Variants in COL11A2 observed in about 807,000 individuals in gnomAD.
COL11A2 encodes collagen alpha-2(XI) chain.
In COL11A2, 116 loss-of-function variants were observed where a neutral mutation model predicts 273.4. The observed-to-expected ratio is 0.42, with a 90% CI of 0.36 to 0.49. COL11A2 has a LOEUF of 0.49. Ranked by LOEUF, COL11A2 falls within the 20% of genes least tolerant of loss-of-function variation. The probability of loss-of-function intolerance (pLI) is 0.00; values close to 1 mark genes in which losing one functional copy is unlikely to be tolerated. For missense variants in COL11A2, 1,866 were observed against 2,309.0 expected (o/e 0.81, Z 3.93); for synonymous variants, 782 against 864.2 (o/e 0.90, Z 1.67).
At position 33,173,593 on chromosome 6, in the gene COL11A2, C is replaced by T; in HGVS notation, c.2629-38G>A. On this transcript the variant is annotated intron_variant, in intron 35 of 65. Coordinates refer to ENST00000341947, the MANE Select transcript of COL11A2 (RefSeq NM_080680.3). The surrounding 1 kb of genome is among the most constrained non-coding windows in gnomAD (Gnocchi z 6.3). Reference sequence around the variant, plus strand: ...GTGGGGGGAGTCAGGAGAATGGGGGCAGGGGCTGAGTGGGGGAACTCAGCT... The same window carrying T: ...GTGGGGGGAGTCAGGAGAATGGGGGTAGGGGCTGAGTGGGGGAACTCAGCT... 1.6e-6 allele frequency: 2 copies of T among 1,259,542 alleles called. No individual in the cohort carries two copies. Among genetic ancestry groups the T allele is most frequent in the Admixed American group, 2.4e-5 (1 of 41,776 alleles). 78.0% of individuals were successfully genotyped at this position (1,259,542 alleles called of 1,614,324 possible). A position where few individuals can be genotyped will look rare whatever the true frequency, so the allele number is the denominator to read the frequency against.
chr6:33,189,170 A>C lies in COL11A2; in HGVS notation c.251T>G (p.Phe84Cys). Residue 84 changes from phenylalanine (F) to cysteine (C), a missense_variant, in exon 3 of 66, where the codon TTC becomes TGC. Physicochemically the swap from Phe to Cys is radical, Grantham distance 205. Coordinates refer to ENST00000341947, the MANE Select transcript of COL11A2 (RefSeq NM_080680.3). The surrounding 1 kb of genome is among the most constrained non-coding windows in gnomAD (Gnocchi z 5.6). The stretch of plus-strand genomic sequence containing the variant: ...GGTCCGGACAACAGTCAGCAGAGAG[A>C]AATCTTTGGGAAATCCTCCTAGTAA... Reference protein sequence around the residue: ...QLFPGGFPKDFSLLTVVRTRP... With the variant: ...QLFPGGFPKDCSLLTVVRTRP... 1.9e-6 allele frequency: 3 copies of C among 1,613,858 alleles called. No homozygotes were observed. Among genetic ancestry groups the C allele is most frequent in the Non-Finnish European group, 2.5e-6 (3 of 1,179,870 alleles).
At chr6:33,168,625 C>T (rs1202934459) in intron 53 of COL11A2, 53 bp from the exon 54 acceptor site, 6 of 1,607,144 alleles carry the variant, frequency 3.7e-6, no homozygotes, top group Non-Finnish European at 5.1e-6. Context: ...GCCAAGGGAC[C>T]CCTCAGGAGT....
At chr6:33,168,449 C>T in intron 54 of COL11A2, 70 bp downstream of exon 54, 2 of 1,545,854 alleles carry the variant, frequency 1.3e-6, no homozygotes, top group South Asian at 1.1e-5. Flanking sequence ...ATCCCACCTG[C>T]CATTGCCCAG....
intron 10 of COL11A2, 65 bp downstream of exon 10, chr6:33,180,899 C>G: frequency 6.2e-7 from 1 of 1,601,604 alleles, no homozygotes; most frequent in Admixed American, 1.7e-5. Context: ...GTGGGGAAGG[C>G]TCAGATGAGC....
chr6:33,190,961 C>T lies in COL11A2; in HGVS notation c.82+1198G>A, dbSNP rs1283449714. ...TCCAGCCTCATCTGCCCCACAGGCTCTCCACTGGTAGCCCCATTACCCTCC... is the reference window on the plus strand; with the variant it reads ...TCCAGCCTCATCTGCCCCACAGGCTTTCCACTGGTAGCCCCATTACCCTCC... On this transcript the variant is annotated intron_variant, in intron 1 of 65. Transcript: ENST00000341947. This position sits in a 1 kb window ranked among gnomAD's most constrained non-coding sequence, Gnocchi z 4.5. Among the ~76,000 whole-genome samples, 1 of 152,150 alleles carries T rather than the reference C, an allele frequency of 6.6e-6. No homozygotes were observed. The highest frequency in any genetic ancestry group is 2.4e-5 in the African/African-American group (1 of 41,400).
intron 41 of COL11A2, 64 bp from the exon 42 acceptor site, chr6:33,171,884 C>T (rs538440864): frequency 1.6e-5 from 25 of 1,589,114 alleles, no homozygotes; most frequent in African/African-American, 9.4e-5. Context: ...CAGAGAACCT[C>T]AGACCACAAT....
Position 33,165,885 on chromosome 6 carries a change from G to C in COL11A2, c.4482+46C>G, listed in dbSNP as rs1377483636. 1 of 1,613,624 alleles carries C rather than the reference G, an allele frequency of 6.2e-7. No homozygotes were observed. Among genetic ancestry groups the C allele is most frequent in the Non-Finnish European group, 8.5e-7 (1 of 1,179,974 alleles). On this transcript the variant is annotated intron_variant, in intron 62 of 65. Transcript: ENST00000341947. The surrounding 1 kb of genome is among the most constrained non-coding windows in gnomAD (Gnocchi z 7.7). ...GTGAGGGTGAAGTGTGGCAGCAGTG[G>C]AGCAGAGGGGTACGGCCCTGGGAGC... is the stretch of plus-strand genomic sequence containing the variant.
chr6:33,184,041 G>T, intron 8 of COL11A2, 104 bp downstream of exon 8: 3 of 1,008,968 alleles, frequency 3.0e-6, no homozygotes, highest in Non-Finnish European at 2.9e-6. Flanking sequence ...AGTCACAGAT[G>T]GGAAATAGCT....
chr6:33,192,595 G>C (rs1029069128), upstream of COL11A2: 11 of 421,390 alleles, frequency 2.6e-5, no homozygotes, highest in Non-Finnish European at 4.3e-5. Flanking sequence ...GGGGAGGGAG[G>C]CGGGAACCCT....
chr6:33,182,015 C>T (rs1771799372), intron 8 of COL11A2, among the ~76,000 whole-genome samples: 1 of 152,160 alleles, frequency 6.6e-6, no homozygotes, highest in Admixed American at 6.5e-5. Flanking sequence ...TGGCTTACGC[C>T]CATAATCCCA....
chr6:33,176,430 T>C lies in COL11A2; in HGVS notation c.2169+3A>G. 6.2e-7 allele frequency: 1 copy of C among 1,612,374 alleles called. No individual in the cohort carries two copies. The highest frequency in any genetic ancestry group is 8.5e-7 in the Non-Finnish European group (1 of 1,179,716). On this transcript the variant is annotated splice_donor_region_variant and intron_variant, in intron 27 of 65. Transcript: ENST00000341947. The surrounding 1 kb of genome is among the most constrained non-coding windows in gnomAD (Gnocchi z 4.9). ...TTTGTCTCCCAGCCTGGTGGTCAGT[T>C]ACCTTGACCCCTCGAGGTCCTGGGT...
rs774218600 is a variant in COL11A2 at position 33,167,576 on chromosome 6, G to A, written c.4015-43C>T. The A allele has an allele frequency of 6.2e-7, 1 of 1,605,336 alleles. No homozygotes were observed. The highest frequency in any genetic ancestry group is 1.3e-5 in the African/African-American group (1 of 74,808). Reference sequence around the variant, plus strand: ...AATGTGTCCTGAATGGCAGAGGAGTGGGGTGTGGGCAGGGGGCAGAGGGTC... The same window carrying A: ...AATGTGTCCTGAATGGCAGAGGAGTAGGGTGTGGGCAGGGGGCAGAGGGTC... On this transcript the variant is annotated intron_variant, in intron 55 of 65. Coordinates refer to ENST00000341947, the MANE Select transcript of COL11A2 (RefSeq NM_080680.3). The surrounding 1 kb of genome is among the most constrained non-coding windows in gnomAD (Gnocchi z 6.1).
chr6:33,173,917 C>T lies in COL11A2; in HGVS notation c.2539G>A (p.Gly847Ser). Residue 847 changes from glycine (G) to serine (S), a missense_variant, in exon 34 of 66, where the codon GGT (glycine) becomes AGT (serine). Gly to Ser is a moderately conservative substitution (Grantham distance 56, BLOSUM62 0). Transcript: ENST00000341947. The surrounding 1 kb of genome is among the most constrained non-coding windows in gnomAD (Gnocchi z 6.3). ...RGERGPTGPR[G>S]QRGPRGATGK... The stretch of plus-strand genomic sequence containing the variant: ...GTGGCACCTCGGGGTCCCCGCTGAC[C>T]CCGTGGACCCTACAGAGGGAAGAGG... 2 of 1,614,074 alleles carry T rather than the reference C, an allele frequency of 1.2e-6. No individual in the cohort carries two copies. Among genetic ancestry groups the T allele is most frequent in the African/African-American group, 1.3e-5 (1 of 74,980 alleles).
Position 33,190,363 on chromosome 6 carries a change from CA to C in COL11A2, c.83-895del, listed in dbSNP as rs1320419405. 2.0e-5 allele frequency among the ~76,000 whole-genome samples: 3 copies of C among 152,138 alleles called. No homozygotes were observed. Among genetic ancestry groups the C allele is most frequent in the Non-Finnish European group, 1.5e-5 (1 of 68,016 alleles). Reference sequence around the variant, plus strand: ...CCTGTCTCACCACCCCCACCAACCCCACCACCTGGGACCCAAAGATTCAAGA... The same window carrying C: ...CCTGTCTCACCACCCCCACCAACCCCCCACCTGGGACCCAAAGATTCAAGA... On this transcript the variant is annotated intron_variant, in intron 1 of 65. Coordinates refer to ENST00000341947, the MANE Select transcript of COL11A2 (RefSeq NM_080680.3). The surrounding 1 kb of genome is among the most constrained non-coding windows in gnomAD (Gnocchi z 4.5).
At chr6:33,180,757 G>A (rs1294642870) in intron 10 of COL11A2, 27 bp from the exon 11 acceptor site, 22 of 1,608,442 alleles carry the variant, frequency 1.4e-5, no homozygotes, top group Non-Finnish European at 1.9e-5. Context: ...TAGGGGTCAG[G>A]TGTGGGCATT....
Position 33,177,445 on chromosome 6 carries a change from T to A in COL11A2, c.1938A>T (p.Gly646=). ...KGSLGPQGEP[G]PPGQQGTPGT... ...CAGGGGTGCCCTGTTGTCCAGGAGG[T>A]CCTGGCTCTCCCTGGGGTCCCTAGA... Residue 646 remains glycine, a synonymous_variant, in exon 23 of 66, where the codon GGA becomes GGT. Coordinates refer to ENST00000341947, the MANE Select transcript of COL11A2 (RefSeq NM_080680.3). The surrounding 1 kb of genome is among the most constrained non-coding windows in gnomAD (Gnocchi z 5.9). 9.3e-6 allele frequency: 15 copies of A among 1,612,622 alleles called. No homozygotes were observed. The highest frequency in any genetic ancestry group is 1.3e-5 in the Non-Finnish European group (15 of 1,179,934).
At chr6:33,172,217 G>T in intron 40 of COL11A2, 72 bp downstream of exon 40, 2 of 1,576,678 alleles carry the variant, frequency 1.3e-6, no homozygotes, top group South Asian at 1.1e-5. Context: ...GAGGGGGTCA[G>T]GGACAGGGTC....
Position 33,172,611 on chromosome 6 carries a change from C to A in COL11A2, c.2817G>T (p.Met939Ile), listed in dbSNP as rs536659371. 3 of 1,612,716 alleles carry A rather than the reference C, an allele frequency of 1.9e-6. No homozygotes were observed. The highest frequency in any genetic ancestry group is 2.2e-5 in the East Asian group (1 of 44,858). The part of the protein sequence containing the change: ...PQGAAGETGP[M>I]GERGHPGPPG... ...GGGGGCCTGGGTGACCTCTCTCCCC[C>A]ATAGGGCCGGTTTCTCCTGCTGCTC... Residue 939 changes from methionine (M) to isoleucine (I), a missense_variant, in exon 39 of 66, where the codon ATG becomes ATT. Met to Ile is a conservative substitution (Grantham distance 10, BLOSUM62 1). Transcript: ENST00000341947.
chr6:33,168,125 C>G (rs1203276725), intron 54 of COL11A2, among the ~76,000 whole-genome samples: 1 of 152,124 alleles, frequency 6.6e-6, no homozygotes, highest in Non-Finnish European at 1.5e-5. Context: ...AGGTTCACCC[C>G]TGGCCCACAG....
Sources: allele counts gnomAD v4.1 joint callset (sites outside exome capture counted in the v4.1 genomes callset), GRCh38; gene constraint gnomAD v4.1.1; non-coding constraint Gnocchi (gnomAD v3.1); transcripts MANE v1.5; gene names NCBI Gene and HGNC (gene_info 2026-07-23, HGNC 2026-07-21).